TRIQK: variants seen among roughly 807,000 people sequenced by gnomAD.
TRIQK encodes triple QxxK/R motif containing, also known as triple QxxK/R motif-containing protein.
A neutral mutation model predicts 10.8 loss-of-function variants in TRIQK; 10 were observed. The ratio of observed to expected loss-of-function variants is 0.92; its 90% confidence interval spans 0.57 to 1.57. The LOEUF (loss-of-function observed/expected upper bound fraction) is 1.57. TRIQK is among the 40% of genes most tolerant of loss of function. TRIQK has a pLI of 0.00. For missense variants in TRIQK, 107 were observed against 97.7 expected, an observed-to-expected ratio of 1.09 and a Z score of -0.40; for synonymous variants, 33 against 33.7, an observed-to-expected ratio of 0.98 and a Z score of 0.07.
intron 1 of TRIQK, among the ~76,000 whole-genome samples, chr8:92,962,068 T>C (rs1318613656): frequency 6.6e-6 from 1 of 152,204 alleles, no homozygotes; most frequent in Non-Finnish European, 1.5e-5. Flanking sequence ...CACTCTATTG[T>C]TGCAAAGATG....
At chr8:92,952,142 T>C (rs545247408) in intron 2 of TRIQK, among the ~76,000 whole-genome samples, 2 of 151,954 alleles carry the variant, frequency 1.3e-5, no homozygotes, top group Non-Finnish European at 2.9e-5. Flanking sequence ...GCAGGGATGT[T>C]GAAATTATCA....
chr8:93,016,529 A>G (rs534222144), intron 1 of TRIQK, among the ~76,000 whole-genome samples: 1 of 152,382 alleles, frequency 6.6e-6, no homozygotes, highest in East Asian at 1.9e-4. Context: ...AAAAATTTAC[A>G]AAGTTTGTTC....
chr8:92,999,534 G>A (rs997401293), intron 1 of TRIQK, among the ~76,000 whole-genome samples: 1 of 152,098 alleles, frequency 6.6e-6, no homozygotes, highest in African/African-American at 2.4e-5. Flanking sequence ...AATTCAGAAG[G>A]TCTTAATGGC....
chr8:92,907,303 C>A (rs1279990066), intron 3 of TRIQK, among the ~76,000 whole-genome samples: 1 of 152,064 alleles, frequency 6.6e-6, no homozygotes, highest in Non-Finnish European at 1.5e-5. Context: ...TTCTCATGCC[C>A]TAAAAGATTA....
intron 1 of TRIQK, chr8:92,974,053 A>G (rs1450848541): frequency 6.6e-6 from 1 of 152,282 alleles, no homozygotes; most frequent in Non-Finnish European, 1.5e-5. Flanking sequence ...TCAGGCTGGT[A>G]TCCCTGTGCC....
At chr8:92,989,838 T>C (rs1813079847) in intron 1 of TRIQK, among the ~76,000 whole-genome samples, 1 of 152,028 alleles carries the variant, frequency 6.6e-6, no homozygotes, top group African/African-American at 2.4e-5. Flanking sequence ...TAAAAGTAGG[T>C]GAAGACATCA....
intron 4 of TRIQK, among the ~76,000 whole-genome samples, chr8:92,890,359 T>C (rs779535129): frequency 1.4e-4 from 22 of 151,942 alleles, no homozygotes; most frequent in East Asian, 1.4e-3. Flanking sequence ...AATGATGTGC[T>C]AGCTTATTAA....
At position 92,915,345 on chromosome 8, in the gene TRIQK, G is replaced by C. The variant is rs1024044473; in HGVS notation, c.61+1584C>G. ...GTACACTGGATATTTGCTGAGAGTA[G>C]ATTTTAGGACTCTTACCACACACAG... On this transcript the variant is annotated intron_variant, in intron 3 of 4. Transcript: ENST00000521988. Among the ~76,000 whole-genome samples the C allele has an allele frequency of 7.9e-5, 12 of 152,250 alleles. No individual in the cohort carries two copies. The East Asian group carries it at 2.3e-3, about 29-fold the overall frequency.
At chr8:92,893,623 C>T (rs904454725) in intron 3 of TRIQK, among the ~76,000 whole-genome samples, 3 of 151,964 alleles carry the variant, frequency 2.0e-5, no homozygotes, top group Non-Finnish European at 4.4e-5. Context: ...CAAGTGTTCA[C>T]TCTAATTTCA....
At chr8:93,002,254 T>TA (rs1176419634) in intron 1 of TRIQK, among the ~76,000 whole-genome samples, 3 of 151,540 alleles carry the variant, frequency 2.0e-5, no homozygotes, top group Non-Finnish European at 4.4e-5. Context: ...ACTAAATTAA[T>TA]AAAAAAGGAA....
intron 1 of TRIQK, among the ~76,000 whole-genome samples, chr8:92,957,559 G>T (rs1306188432): frequency 6.6e-6 from 1 of 151,842 alleles, no homozygotes; most frequent in South Asian, 2.1e-4. Context: ...TTTAGTAGAA[G>T]AAATGCAAAG....
intron 2 of TRIQK, among the ~76,000 whole-genome samples, chr8:92,917,370 ATATATAGTTTGGATATATACTTAC>A (rs1387792325): frequency 3.3e-5 from 5 of 152,030 alleles, no homozygotes; most frequent in Admixed American, 3.3e-4. Flanking sequence ...ATTTCCAAGT[ATATATAGTTTGGATATATACTTAC>A]TATGTTACAT....
intron 3 of TRIQK, among the ~76,000 whole-genome samples, chr8:92,904,711 AT>A (rs1482594435): frequency 1.3e-5 from 2 of 152,158 alleles, no homozygotes; most frequent in Non-Finnish European, 2.9e-5. Flanking sequence ...TAAAAATATG[AT>A]TCCCAGAGAT....
chr8:92,979,661 A>G (rs1295104502), intron 1 of TRIQK, among the ~76,000 whole-genome samples: 1 of 151,980 alleles, frequency 6.6e-6, no homozygotes, highest in Non-Finnish European at 1.5e-5. Context: ...CAGGTCATGT[A>G]TTCCTTTCTG....
At chr8:92,963,020 G>A (rs1007457625) in intron 1 of TRIQK, among the ~76,000 whole-genome samples, 3 of 152,142 alleles carry the variant, frequency 2.0e-5, no homozygotes, top group Non-Finnish European at 4.4e-5. Flanking sequence ...GTTTACAAAC[G>A]CAAGAGAGGA....
At chr8:92,896,885 T>C (rs1489695106) in intron 3 of TRIQK, among the ~76,000 whole-genome samples, 2 of 151,948 alleles carry the variant, frequency 1.3e-5, no homozygotes, top group African/African-American at 2.4e-5. Context: ...GGCATGATCC[T>C]GGCTCACTGC....
intron 4 of TRIQK, among the ~76,000 whole-genome samples, chr8:92,889,986 C>T (rs1437112724): frequency 6.6e-6 from 1 of 151,660 alleles, no homozygotes; most frequent in African/African-American, 2.4e-5. Flanking sequence ...TAAGATATCA[C>T]AATATTATGG....
intron 1 of TRIQK, among the ~76,000 whole-genome samples, chr8:93,007,032 T>A (rs1257291063): frequency 6.6e-6 from 1 of 152,146 alleles, no homozygotes; most frequent in Non-Finnish European, 1.5e-5. Context: ...GGGTGCCTGA[T>A]CCCGTACCTC....
chr8:92,899,061 G>A (rs1023775865), intron 3 of TRIQK, among the ~76,000 whole-genome samples: 3 of 144,966 alleles, frequency 2.1e-5, no homozygotes, highest in Admixed American at 7.0e-5. Context: ...GCACAATCTC[G>A]TCTCATTGTA....
Sources: allele counts gnomAD v4.1 joint callset (sites outside exome capture counted in the v4.1 genomes callset), GRCh38; gene constraint gnomAD v4.1.1; transcripts MANE v1.5; gene names NCBI Gene and HGNC (gene_info 2026-07-23, HGNC 2026-07-21).